Variants in KLHL4 observed in about 807,000 individuals in gnomAD.
The protein encoded by KLHL4 is kelch like family member 4.
In KLHL4, 17 loss-of-function variants were observed where a neutral mutation model predicts 45.8. The observed-to-expected ratio is 0.37, with a 90% CI of 0.25 to 0.56. The LOEUF (loss-of-function observed/expected upper bound fraction) is 0.56. Ranked by LOEUF, KLHL4 falls within the 20% of genes least tolerant of loss-of-function variation. KLHL4 has a pLI of 0.79. For synonymous variants in KLHL4, 224 were observed against 189.9 expected (o/e 1.18, Z -1.47); for missense variants, 544 against 544.9 (o/e 1.00, Z 0.02).
chrX:87,554,644 A>G (rs1361711047), intron 1 of KLHL4, among the ~76,000 whole-genome samples: 2 of 107,784 alleles, frequency 1.9e-5, no homozygotes, highest in Non-Finnish European at 3.8e-5. Flanking sequence ...TTCTAGATAT[A>G]CAATCATGTC....
intron 1 of KLHL4, among the ~76,000 whole-genome samples, chrX:87,530,670 T>C (rs1931244624): frequency 9.3e-6 from 1 of 107,320 alleles, no homozygotes; most frequent in Non-Finnish European, 1.9e-5. Flanking sequence ...CAGTCTATCA[T>C]TCTTGGACAT....
intron 1 of KLHL4, among the ~76,000 whole-genome samples, chrX:87,584,943 A>C (rs1418618842): frequency 9.0e-6 from 1 of 110,624 alleles, no homozygotes; most frequent in East Asian, 2.8e-4. Flanking sequence ...GAAACTTCCA[A>C]AGGTTAAGAT....
intron 4 of KLHL4, among the ~76,000 whole-genome samples, chrX:87,619,157 CAGTT>C (rs897313130): frequency 7.2e-5 from 8 of 111,353 alleles, no homozygotes; most frequent in Non-Finnish European, 1.5e-4. Flanking sequence ...GAAATTGCTT[CAGTT>C]ATTTAATATT....
intron 6 of KLHL4, among the ~76,000 whole-genome samples, chrX:87,627,146 C>T (rs1263704790): frequency 9.0e-6 from 1 of 111,326 alleles, no homozygotes. Flanking sequence ...GCATCCGGCC[C>T]CTGAAGCTTC....
At chrX:87,647,246 G>C (rs919209146) in intron 9 of KLHL4, among the ~76,000 whole-genome samples, 1 of 111,783 alleles carries the variant, frequency 8.9e-6, no homozygotes, top group Non-Finnish European at 1.9e-5. Context: ...ATAAATGTTG[G>C]CATGGATGTG....
chrX:87,616,184 G>T (rs1922550267), intron 3 of KLHL4, among the ~76,000 whole-genome samples: 1 of 110,456 alleles, frequency 9.1e-6, no homozygotes, highest in African/African-American at 3.3e-5. Context: ...TTTTTAGGAG[G>T]GATATGTATG....
intron 1 of KLHL4, among the ~76,000 whole-genome samples, chrX:87,572,151 A>G (rs1248234176): frequency 1.8e-5 from 2 of 111,610 alleles, no homozygotes; most frequent in African/African-American, 6.5e-5. Context: ...ATTGTTTACC[A>G]AGAGAATTAC....
At chrX:87,555,033 T>C (rs1379593104) in intron 1 of KLHL4, among the ~76,000 whole-genome samples, 1 of 102,416 alleles carries the variant, frequency 9.8e-6, no homozygotes, top group Non-Finnish European at 2.0e-5. Context: ...TTGATTTGTG[T>C]ATATTGAACC....
intron 4 of KLHL4, among the ~76,000 whole-genome samples, chrX:87,620,123 C>T (rs1190939012): frequency 9.0e-6 from 1 of 111,305 alleles, no homozygotes; most frequent in African/African-American, 3.3e-5. Flanking sequence ...TTAAATCATA[C>T]AGATAGTTGT....
intron 1 of KLHL4, among the ~76,000 whole-genome samples, chrX:87,533,475 G>A (rs1225511568): frequency 1.0e-5 from 1 of 100,165 alleles, no homozygotes. Flanking sequence ...AACACCGCAT[G>A]TTCTCACTCA....
intron 6 of KLHL4, among the ~76,000 whole-genome samples, chrX:87,631,470 C>T (rs1923093568): frequency 1.8e-5 from 2 of 111,960 alleles, no homozygotes; most frequent in Admixed American, 9.5e-5. Context: ...TGTATCATTA[C>T]CATCATGGAA....
At chrX:87,581,113 T>A (rs1482702758) in intron 1 of KLHL4, among the ~76,000 whole-genome samples, 1 of 112,554 alleles carries the variant, frequency 8.9e-6, no homozygotes, top group African/African-American at 3.2e-5. Flanking sequence ...GCCAGACTGC[T>A]TTTTTAAGTG....
chrX:87,657,418 C>T (rs958587498), intron 9 of KLHL4, among the ~76,000 whole-genome samples: 6 of 111,725 alleles, frequency 5.4e-5, no homozygotes, highest in Admixed American at 9.5e-5. Context: ...GTGATGTAGG[C>T]GCTGTATAAT....
intron 10 of KLHL4, 37 bp downstream of exon 10, chrX:87,664,972 G>T (rs1321040661): frequency 6.6e-6 from 6 of 905,632 alleles, no homozygotes; most frequent in Admixed American, 6.0e-5. Context: ...CTATATTTCA[G>T]GTTTTAAAAA....
chrX:87,658,462 C>A (rs1366793814), intron 9 of KLHL4, among the ~76,000 whole-genome samples: 2 of 111,371 alleles, frequency 1.8e-5, no homozygotes, highest in Non-Finnish European at 3.8e-5. Context: ...TGCTGCTACC[C>A]CTTCTCAAGG....
chrX:87,542,463 A>C (rs1039001018), intron 1 of KLHL4, among the ~76,000 whole-genome samples: 2 of 112,316 alleles, frequency 1.8e-5, no homozygotes, highest in African/African-American at 6.5e-5. Flanking sequence ...CAGCCTTGGG[A>C]GCCCAGACCT....
intron 1 of KLHL4, among the ~76,000 whole-genome samples, chrX:87,589,166 T>G (rs1334586778): frequency 9.0e-6 from 1 of 111,625 alleles, no homozygotes; most frequent in African/African-American, 3.3e-5. Context: ...CAAATGCTGG[T>G]GGGGATGTGG....
At position 87,518,468 on chromosome X, in the gene KLHL4, T is replaced by C. The variant is rs189708642; in HGVS notation, c.422+153T>C. Among the ~76,000 whole-genome samples the C allele has an allele frequency of 5.9e-3, 658 of 111,980 alleles. 2 individuals carry two copies. The highest frequency in any genetic ancestry group is 0.01 in the Non-Finnish European group (544 of 53,184). Reference sequence around the variant, plus strand: ...TCTCAGAAACCGTCTCCTCTAAGTTTATAAAAGAAAACAGCAATAATGAAT... The same window carrying C: ...TCTCAGAAACCGTCTCCTCTAAGTTCATAAAAGAAAACAGCAATAATGAAT... On this transcript the variant is annotated intron_variant, in intron 1 of 10. Coordinates refer to ENST00000373119, the MANE Select transcript of KLHL4 (RefSeq NM_019117.5).
chrX:87,578,084 A>G (rs1430233895), intron 1 of KLHL4, among the ~76,000 whole-genome samples: 1 of 111,485 alleles, frequency 9.0e-6, no homozygotes, highest in Non-Finnish European at 1.9e-5. Flanking sequence ...ATACCTATGT[A>G]CAATACCTGT....
Sources: allele counts gnomAD v4.1 joint callset (sites outside exome capture counted in the v4.1 genomes callset), GRCh38; gene constraint gnomAD v4.1.1; transcripts MANE v1.5; gene names NCBI Gene and HGNC (gene_info 2026-07-23, HGNC 2026-07-21).